The following DLC1 variants were observed in gnomAD, a reference collection of about 807,000 sequenced individuals.
The protein encoded by DLC1 is rho GTPase-activating protein 7.
In DLC1, 54 loss-of-function variants were observed where a neutral mutation model predicts 140.3. The ratio of observed to expected loss-of-function variants is 0.38; its 90% confidence interval spans 0.31 to 0.48. DLC1 has a LOEUF of 0.48. Among genes scored for constraint, DLC1 ranks in the 20% least tolerant of loss-of-function variants. The pLI is 0.96. For missense variants in DLC1, 2,536 were observed against 1,907.0 expected (o/e 1.33, Z -6.14); for synonymous variants, 986 against 728.1 (o/e 1.35, Z -5.70).
intron 4 of DLC1, among the ~76,000 whole-genome samples, chr8:13,318,875 A>G (rs573739948): frequency 6.6e-6 from 1 of 152,222 alleles, no homozygotes; most frequent in Non-Finnish European, 1.5e-5. Context: ...GGGAGAAATC[A>G]TAGTTTTTAT....
intron 1 of DLC1, among the ~76,000 whole-genome samples, chr8:13,596,297 G>A (rs1805678152): frequency 6.6e-6 from 1 of 151,904 alleles, no homozygotes; most frequent in South Asian, 2.1e-4. Context: ...ATAGGTTGGC[G>A]AGGTTGGAGA....
chr8:13,370,778 A>G (rs1196956854), intron 4 of DLC1, among the ~76,000 whole-genome samples: 1 of 152,096 alleles, frequency 6.6e-6, no homozygotes, highest in East Asian at 1.9e-4. Context: ...CAAGCCTCAT[A>G]TTCTTGTTGC....
At chr8:13,432,188 A>G (rs944952044) in intron 2 of DLC1, among the ~76,000 whole-genome samples, 4 of 152,178 alleles carry the variant, frequency 2.6e-5, no homozygotes, top group African/African-American at 9.7e-5. Context: ...ATCATCATGA[A>G]CTCAATAATG....
intron 5 of DLC1, among the ~76,000 whole-genome samples, chr8:13,131,978 C>T (rs994780681): frequency 5.9e-5 from 9 of 152,316 alleles, no homozygotes; most frequent in African/African-American, 1.7e-4. Context: ...ATCAAAGGCT[C>T]GCCCCAGGAC....
intron 2 of DLC1, among the ~76,000 whole-genome samples, chr8:13,461,557 AATG>A (rs1318713089): frequency 6.6e-6 from 1 of 152,314 alleles, no homozygotes; most frequent in African/African-American, 2.4e-5. Context: ...AGTTTTTAAT[AATG>A]ATGATGATAG....
chr8:13,452,509 A>G (rs888838002), intron 2 of DLC1, among the ~76,000 whole-genome samples: 2 of 152,206 alleles, frequency 1.3e-5, no homozygotes, highest in African/African-American at 4.8e-5. Flanking sequence ...CTTTTCAACC[A>G]TTTGCTAAAG....
intron 1 of DLC1, among the ~76,000 whole-genome samples, chr8:13,502,389 A>C (rs78682009): frequency 6.6e-6 from 1 of 152,172 alleles, no homozygotes; most frequent in East Asian, 1.9e-4. Context: ...CTCAATTTTC[A>C]TAACGATCAT....
At chr8:13,248,120 A>C (rs1829842076) in intron 5 of DLC1, among the ~76,000 whole-genome samples, 1 of 152,200 alleles carries the variant, frequency 6.6e-6, no homozygotes, top group Non-Finnish European at 1.5e-5. Context: ...GAAGCTGCCC[A>C]GTTGTTAAAT....
At chr8:13,089,156 G>A (rs1004851586) in intron 15 of DLC1, among the ~76,000 whole-genome samples, 9 of 152,036 alleles carry the variant, frequency 5.9e-5, no homozygotes, top group Non-Finnish European at 5.9e-5. Flanking sequence ...CTACTCAGGA[G>A]GCTGAGGAAG....
chr8:13,347,094 C>G (rs1834374766), intron 4 of DLC1, among the ~76,000 whole-genome samples: 1 of 152,166 alleles, frequency 6.6e-6, no homozygotes. Flanking sequence ...TAGGAGGAAA[C>G]ATAGTATACA....
intron 2 of DLC1, among the ~76,000 whole-genome samples, chr8:13,415,989 ACCCTAAAATAAGTTT>A (rs1165520867): frequency 6.6e-6 from 1 of 152,090 alleles, no homozygotes; most frequent in Non-Finnish European, 1.5e-5. Context: ...GGAGTGGCAC[ACCCTAAAATAAGTTT>A]CTTATTTGTG....
intron 1 of DLC1, among the ~76,000 whole-genome samples, chr8:13,587,296 A>G (rs1314500683): frequency 1.3e-5 from 2 of 152,012 alleles, no homozygotes; most frequent in Non-Finnish European, 2.9e-5. Flanking sequence ...CAAGAAAAAA[A>G]AAAGAGAGAG....
intron 5 of DLC1, among the ~76,000 whole-genome samples, chr8:13,187,080 CTGTGG>C (rs1313212687): frequency 6.6e-6 from 1 of 152,210 alleles, no homozygotes; most frequent in African/African-American, 2.4e-5. Flanking sequence ...TGTGAGGTGT[CTGTGG>C]ATCAGGTGGC....
chr8:13,176,688 C>G (rs916098548), intron 5 of DLC1, among the ~76,000 whole-genome samples: 3 of 152,290 alleles, frequency 2.0e-5, no homozygotes, highest in East Asian at 1.9e-4. Context: ...TGACCATATC[C>G]TAATCCCAGG....
chr8:13,339,002 C>A (rs967780965), intron 4 of DLC1, among the ~76,000 whole-genome samples: 2 of 152,148 alleles, frequency 1.3e-5, no homozygotes, highest in Non-Finnish European at 2.9e-5. Flanking sequence ...ATACCAGAAG[C>A]ACTTCATATG....
chr8:13,520,208 G>C (rs1042670287), intron 1 of DLC1, among the ~76,000 whole-genome samples: 2 of 152,176 alleles, frequency 1.3e-5, no homozygotes, highest in Non-Finnish European at 2.9e-5. Context: ...CAATAGAAAA[G>C]ACTTGGAACC....
At chr8:13,495,829 T>C (rs1229359028) in intron 2 of DLC1, among the ~76,000 whole-genome samples, 2 of 152,230 alleles carry the variant, frequency 1.3e-5, no homozygotes, top group Non-Finnish European at 2.9e-5. Flanking sequence ...AGAGCACTAT[T>C]TCAATACATT....
intron 2 of DLC1, among the ~76,000 whole-genome samples, chr8:13,449,527 A>G (rs1466604056): frequency 2.0e-5 from 3 of 152,188 alleles, no homozygotes; most frequent in Non-Finnish European, 2.9e-5. Flanking sequence ...CACAGGTGGA[A>G]AGAATCCTAT....
At chr8:13,357,984 A>G (rs1261959722) in intron 4 of DLC1, among the ~76,000 whole-genome samples, 1 of 152,182 alleles carries the variant, frequency 6.6e-6, no homozygotes. Context: ...TATGGTCTTT[A>G]TTCACTTAAT....
Sources: gnomAD v4.1 joint callset for allele counts (sites outside exome capture counted in the v4.1 genomes callset) on GRCh38, gnomAD v4.1.1 for gene constraint, MANE v1.5 for transcripts, NCBI Gene and HGNC (gene_info 2026-07-23, HGNC 2026-07-21) for gene names.